CEP170: variants seen among roughly 807,000 people sequenced by gnomAD.
The protein encoded by CEP170 is centrosomal protein 170, also known as centrosomal protein of 170 kDa.
A neutral mutation model predicts 151.9 loss-of-function variants in CEP170; 21 were observed. The ratio of observed to expected loss-of-function variants is 0.14; its 90% CI spans 0.10 to 0.20. The LOEUF (loss-of-function observed/expected upper bound fraction) is 0.20, where lower values mean the gene tolerates loss of function less well. Ranked by LOEUF, CEP170 falls within the 10% of genes least tolerant of loss-of-function variation. The pLI is 1.00. For missense variants in CEP170, 964 were observed against 1,892.9 expected, an observed-to-expected ratio of 0.51 and a Z score of 9.11; for synonymous variants, 356 against 648.8, an observed-to-expected ratio of 0.55 and a Z score of 6.86.
intron 13 of CEP170, among the ~76,000 whole-genome samples, chr1:243,162,454 G>T (rs1251700358): frequency 6.6e-6 from 1 of 152,106 alleles, no homozygotes; most frequent in Admixed American, 6.5e-5. Context: ...AGTATGAAAA[G>T]ACTAAAATCA....
chr1:243,172,879 G>GA (rs2058959589), intron 10 of CEP170, 33 bp from the exon 11 acceptor site: 33 of 1,510,356 alleles, frequency 2.2e-5, no homozygotes, highest in Non-Finnish European at 2.8e-5. Flanking sequence ...AAATGAAAAC[G>GA]AAAAGTCTGA....
chr1:243,229,502 G>A (rs1323989663), intron 1 of CEP170, among the ~76,000 whole-genome samples: 11 of 152,126 alleles, frequency 7.2e-5, no homozygotes, highest in African/African-American at 2.7e-4. Flanking sequence ...TTGGAACTCT[G>A]GCGTATGGTA....
At chr1:243,224,063 A>G (rs1376867344) in intron 2 of CEP170, among the ~76,000 whole-genome samples, 2 of 152,204 alleles carry the variant, frequency 1.3e-5, no homozygotes, top group African/African-American at 2.4e-5. Flanking sequence ...TTTCATTTCT[A>G]TATAATCAAA....
At chr1:243,214,830 A>G (rs1572366867) in intron 3 of CEP170, among the ~76,000 whole-genome samples, 1 of 152,274 alleles carries the variant, frequency 6.6e-6, no homozygotes, top group East Asian at 1.9e-4. Context: ...TGAGTTTGTC[A>G]TGTCTAATTT....
At chr1:243,184,605 C>T (rs2059824441) in intron 10 of CEP170, among the ~76,000 whole-genome samples, 29 of 152,066 alleles carry the variant, frequency 1.9e-4, no homozygotes, top group Admixed American at 1.9e-3. Flanking sequence ...AGAAATTATA[C>T]GTACTCTCTT....
chr1:243,216,436 T>C (rs1375225731), intron 3 of CEP170, among the ~76,000 whole-genome samples: 2 of 148,374 alleles, frequency 1.3e-5, no homozygotes, highest in African/African-American at 2.5e-5. Flanking sequence ...TTCCAACCTA[T>C]AAGTGAGAAC....
chr1:243,245,758 A>C (rs1345344005), intron 1 of CEP170, among the ~76,000 whole-genome samples: 2 of 150,898 alleles, frequency 1.3e-5, no homozygotes, highest in Non-Finnish European at 2.9e-5. Flanking sequence ...CAAAAAACAA[A>C]ACAAAAAAAA....
intron 4 of CEP170, among the ~76,000 whole-genome samples, chr1:243,209,421 A>T (rs4546902): frequency 0.31 from 46,476 of 151,886 alleles, 7,557 homozygotes; most frequent in South Asian, 0.48. Flanking sequence ...TCCTGACCTC[A>T]ACTGATCTGC....
intron 17 of CEP170, among the ~76,000 whole-genome samples, chr1:243,132,176 C>T (rs1019220612): frequency 6.6e-6 from 1 of 152,196 alleles, no homozygotes; most frequent in Admixed American, 6.5e-5. Flanking sequence ...TGACACAAAG[C>T]TTAAAGACCA....
intron 3 of CEP170, among the ~76,000 whole-genome samples, chr1:243,217,159 T>A (rs1400027197): frequency 1.3e-5 from 2 of 152,214 alleles, no homozygotes; most frequent in Non-Finnish European, 1.5e-5. Flanking sequence ...TTCAGCTCCA[T>A]TATAATCTTA....
At chr1:243,251,063 G>A (rs2065894496) in intron 1 of CEP170, among the ~76,000 whole-genome samples, 1 of 152,180 alleles carries the variant, frequency 6.6e-6, no homozygotes, top group African/African-American at 2.4e-5. Flanking sequence ...CTAATATATT[G>A]AGAAAAACCT....
At chr1:243,198,849 TAAAG>T (rs1470057261) in intron 7 of CEP170, among the ~76,000 whole-genome samples, 2 of 151,514 alleles carry the variant, frequency 1.3e-5, no homozygotes, top group Non-Finnish European at 2.9e-5. Context: ...AAGTGCTTTA[TAAAG>T]ATATTAAAAT....
chr1:243,154,276 C>T (rs1235094716), intron 14 of CEP170, among the ~76,000 whole-genome samples: 2 of 152,272 alleles, frequency 1.3e-5, no homozygotes, highest in African/African-American at 4.8e-5. Context: ...ATCTATTACT[C>T]TTCAAATATT....
intron 1 of CEP170, among the ~76,000 whole-genome samples, chr1:243,234,971 A>C (rs1450586683): frequency 6.6e-6 from 1 of 152,220 alleles, no homozygotes; most frequent in Non-Finnish European, 1.5e-5. Flanking sequence ...AGCTACAAAA[A>C]TTCTTCAAGT....
At chr1:243,231,837 C>T (rs537851645) in intron 1 of CEP170, among the ~76,000 whole-genome samples, 26 of 152,228 alleles carry the variant, frequency 1.7e-4, no homozygotes, top group African/African-American at 3.9e-4. Flanking sequence ...ATGCTGGGTG[C>T]GGTGGCTCAT....
At chr1:243,179,009 G>A (rs2059446231) in intron 10 of CEP170, among the ~76,000 whole-genome samples, 1 of 152,104 alleles carries the variant, frequency 6.6e-6, no homozygotes, top group Non-Finnish European at 1.5e-5. Flanking sequence ...GAGCCACTGC[G>A]CTCAGCCTCT....
At chr1:243,152,543 TTTTTTTG>T in intron 14 of CEP170, among the ~76,000 whole-genome samples, 1 of 104,670 alleles carries the variant, frequency 9.6e-6, no homozygotes, top group Non-Finnish European at 1.9e-5. Flanking sequence ...TTTTTTTTTT[TTTTTTTG>T]AGATAGAGTC....
intron 19 of CEP170, 84 bp downstream of exon 19, chr1:243,128,165 C>T (rs1206971759): frequency 7.8e-6 from 10 of 1,274,298 alleles, no homozygotes; most frequent in South Asian, 1.7e-5. Context: ...AAATAACATC[C>T]TAACAATATT....
chr1:243,169,150 T>A (rs1455534677), intron 12 of CEP170: 1 of 156,190 alleles, frequency 6.4e-6, no homozygotes, highest in African/African-American at 2.4e-5. Flanking sequence ...GATATCAGCA[T>A]ATCAGAAAGA....
Sources: allele counts gnomAD v4.1 joint callset (sites outside exome capture counted in the v4.1 genomes callset), GRCh38; gene constraint gnomAD v4.1.1; transcripts MANE v1.5; gene names NCBI Gene and HGNC (gene_info 2026-07-23, HGNC 2026-07-21).